The following AGO3 variants were observed in gnomAD, a reference collection of about 807,000 sequenced individuals.
The protein encoded by AGO3 is protein argonaute-3.
AGO3 carries 16 observed loss-of-function variants against 105.5 expected under a neutral mutation model. The ratio of observed to expected loss-of-function variants is 0.15; its 90% CI spans 0.10 to 0.23. The LOEUF (loss-of-function observed/expected upper bound fraction) is 0.23. Among genes scored for constraint, AGO3 ranks in the 10% least tolerant of loss-of-function variants. AGO3 has a pLI of 1.00. For synonymous variants in AGO3, 340 were observed against 367.3 expected (o/e 0.93, Z 0.85); for missense variants, 534 against 1,088.0 (o/e 0.49, Z 7.16).
At chr1:35,996,550 C>A (rs182689238) in intron 5 of AGO3, among the ~76,000 whole-genome samples, 1 of 152,068 alleles carries the variant, frequency 6.6e-6, no homozygotes, top group Non-Finnish European at 1.5e-5. Flanking sequence ...GCGGGCAGAT[C>A]ACCTGATGTC....
At chr1:36,036,323 C>T in intron 14 of AGO3, 56 bp downstream of exon 14, 1 of 1,486,736 alleles carries the variant, frequency 6.7e-7, no homozygotes, top group South Asian at 1.2e-5. Flanking sequence ...ATCAATTTTG[C>T]AGTTTCAACT....
At chr1:35,996,882 G>A (rs1232774385) in intron 5 of AGO3, among the ~76,000 whole-genome samples, 1 of 152,106 alleles carries the variant, frequency 6.6e-6, no homozygotes, top group Admixed American at 6.5e-5. Context: ...CCACCCATAC[G>A]TACTAGATTG....
rs1643139507 is a variant in AGO3, at chr1:36,069,928, G to A, written c.*14183G>A. ...AAAAATTAGCTGGGCACGATGGAGG[G>A]TGCCTGTAATCCCAGCTACTCGGGA... On this transcript the variant is annotated 3_prime_UTR_variant, in exon 19 of 19. Transcript: ENST00000373191. The A allele has an allele frequency of 6.6e-6, 1 of 152,094 alleles. No individual in the cohort carries two copies. The highest frequency in any genetic ancestry group is 2.4e-5 in the African/African-American group (1 of 41,406). The allele number at this position is 152,094 out of a possible 1,614,324, so 9.4% of individuals were successfully genotyped here. A position where few individuals can be genotyped will look rare whatever the true frequency, so the allele number is the denominator to read the frequency against.
chr1:36,055,777 C>G lies in AGO3; in HGVS notation c.*32C>G. 1.2e-6 allele frequency: 2 copies of G among 1,601,942 alleles called. No homozygotes were observed. The highest frequency in any genetic ancestry group is 1.7e-6 in the Non-Finnish European group (2 of 1,169,380). ...CAAGTATATTCTCTGAGAGGAAGTACTGAAAGATGAATTGACATACAACGT... is the reference window on the plus strand; with the variant it reads ...CAAGTATATTCTCTGAGAGGAAGTAGTGAAAGATGAATTGACATACAACGT... On this transcript the variant is annotated 3_prime_UTR_variant, in exon 19 of 19. Transcript: ENST00000373191. This position sits in a 1 kb window ranked among gnomAD's most constrained non-coding sequence, Gnocchi z 4.4.
At chr1:36,053,573 C>G (rs115636416) in intron 17 of AGO3, among the ~76,000 whole-genome samples, 2,314 of 151,750 alleles carry the variant, frequency 0.015, 47 homozygotes, top group African/African-American at 0.053. Flanking sequence ...CCACACCCAG[C>G]CTATTTTTGT....
At chr1:36,009,317 G>C in intron 8 of AGO3, 158 bp from the exon 9 acceptor site, 1 of 896,886 alleles carries the variant, frequency 1.1e-6, no homozygotes. Context: ...CTTAATTACT[G>C]TAGAGCTGTC....
chr1:35,945,536 G>A (rs1281705073), intron 1 of AGO3, among the ~76,000 whole-genome samples, 156 bp from the exon 2 acceptor site: 1 of 152,118 alleles, frequency 6.6e-6, no homozygotes, highest in East Asian at 1.9e-4. Flanking sequence ...GGAAATCTGG[G>A]GTGACAGAAG....
intron 17 of AGO3, among the ~76,000 whole-genome samples, chr1:36,047,482 A>C (rs1343024348): frequency 1.3e-5 from 2 of 152,138 alleles, no homozygotes; most frequent in Non-Finnish European, 2.9e-5. Context: ...AAAAGAGTGA[A>C]GAGCGCCTCT....
chr1:36,048,852 G>A (rs530605767), intron 17 of AGO3, among the ~76,000 whole-genome samples: 1 of 152,178 alleles, frequency 6.6e-6, no homozygotes, highest in East Asian at 1.9e-4. Flanking sequence ...ACCACACAAG[G>A]CATGCATCAC....
At position 36,070,051 on chromosome 1, in the gene AGO3, T is replaced by C. The variant is rs1414313076; in HGVS notation, c.*14306T>C. ...CAGCCTGGGCAACAAAGCGAAGCTC[T>C]GTCTCAATAAAAAAAAAAATAATAA... is the stretch of plus-strand genomic sequence containing the variant. On this transcript the variant is annotated 3_prime_UTR_variant, in exon 19 of 19. Coordinates refer to ENST00000373191, the MANE Select transcript of AGO3 (RefSeq NM_024852.4). 1 of 152,064 alleles carries C rather than the reference T, an allele frequency of 6.6e-6. No homozygotes were observed. Among genetic ancestry groups the C allele is most frequent in the African/African-American group, 2.4e-5 (1 of 41,408 alleles). The allele number at this position is 152,064 out of a possible 1,614,324, so 9.4% of individuals were successfully genotyped here.
chr1:36,032,527 A>G (rs1182952838), intron 12 of AGO3, among the ~76,000 whole-genome samples: 1 of 152,016 alleles, frequency 6.6e-6, no homozygotes, highest in Non-Finnish European at 1.5e-5. Flanking sequence ...AACTAAAAGC[A>G]CATACCATCA....
rs531829087 is a variant in AGO3, at chr1:36,045,313, C to A, written c.2274+1765C>A. Among the ~76,000 whole-genome samples, 122 of 152,108 alleles carry A rather than the reference C, an allele frequency of 8.0e-4. 2 individuals carry two copies. Among genetic ancestry groups the A allele is most frequent in the Non-Finnish European group, 1.4e-3 (92 of 68,006 alleles). On this transcript the variant is annotated intron_variant, in intron 17 of 18. Transcript: ENST00000373191. ...CTTGGCTCACTGCAACCTCTGTCTC[C>A]CAGGTTCAAGCAATTCTCCTGCCTC...
At chr1:35,956,162 AATG>A (rs1431446010) in intron 2 of AGO3, among the ~76,000 whole-genome samples, 3 of 152,160 alleles carry the variant, frequency 2.0e-5, no homozygotes, top group Non-Finnish European at 2.9e-5. Flanking sequence ...CAGTGGCAAT[AATG>A]ATGATGGAGG....
chr1:35,965,163 T>C (rs1431110077), intron 2 of AGO3, among the ~76,000 whole-genome samples: 3 of 151,676 alleles, frequency 2.0e-5, no homozygotes, highest in African/African-American at 7.3e-5. Context: ...GGTTAAAACA[T>C]CCCAACAAAT....
rs561260131 is a variant in AGO3 at position 36,055,386 on chromosome 1, C to G, written c.2474+241C>G. The G allele has an allele frequency of 3.8e-5, 23 of 611,830 alleles. No homozygotes were observed. The African/African-American group carries it at 3.9e-4, about 10-fold the overall frequency. The allele number at this position is 611,830 out of a possible 1,614,324, so 37.9% of individuals were successfully genotyped here. A position where few individuals can be genotyped will look rare whatever the true frequency, so the allele number is the denominator to read the frequency against. On this transcript the variant is annotated intron_variant, in intron 18 of 18. Transcript: ENST00000373191. The surrounding 1 kb of genome is among the most constrained non-coding windows in gnomAD (Gnocchi z 4.4). ...AGAGATTATTGGTAATAAAGTGATA[C>G]ATTCAGACAGATAGACAAAATGATA...
Position 36,054,973 on chromosome 1 carries a change from G to C in AGO3, c.2302G>C (p.Val768Leu). ...TACCAGTCGTCCTTCACACTATCAT[G>C]TTTTATGGGATGATAACTGCTTTAC... ...QGTSRPSHYHVLWDDNCFTAD... is the reference protein window; with the variant it reads ...QGTSRPSHYHLLWDDNCFTAD... The change falls in exon 18 of 19, where the codon GTT becomes CTT. Residue 768 changes from valine (V) to leucine (L), a missense_variant. Physicochemically the swap from Val to Leu is conservative, Grantham distance 32. This residue lies in a region of AGO3 where 373 missense variants were observed against 854.0 expected (regional missense o/e 0.44). Transcript: ENST00000373191. 6.2e-7 allele frequency: 1 copy of C among 1,614,188 alleles called. No homozygotes were observed. Among genetic ancestry groups the C allele is most frequent in the Non-Finnish European group, 8.5e-7 (1 of 1,180,028 alleles).
rs762199381 is a variant in AGO3, at chr1:35,966,991, A to G, written c.228A>G (p.Val76=). ...ACTCAATGGTTCAGCATTTTAAAGT[A>G]ACTATATTTGGAGACCGTAGACCAG... ...VVDSMVQHFK[V]TIFGDRRPVY... Residue 76 remains valine (V), a synonymous_variant, in exon 3 of 19, where the codon GTA becomes GTG. Coordinates refer to ENST00000373191, the MANE Select transcript of AGO3 (RefSeq NM_024852.4). The G allele has an allele frequency of 6.2e-7, 1 of 1,613,430 alleles. No homozygotes were observed. The highest frequency in any genetic ancestry group is 2.2e-5 in the East Asian group (1 of 44,820).
intron 9 of AGO3, among the ~76,000 whole-genome samples, chr1:36,012,466 A>T (rs909612483): frequency 6.6e-6 from 1 of 152,104 alleles, no homozygotes; most frequent in African/African-American, 2.4e-5. Flanking sequence ...CTTTGATTAT[A>T]TGTATGGGAA....
rs1424041473 is a variant in AGO3 at position 36,040,412 on chromosome 1, C to T, written c.2143C>T (p.Arg715Ter). Residue 715 changes from arginine (R) to a stop codon, truncating the protein, a stop_gained, in exon 16 of 19, where the codon CGA becomes TGA. Transcript: ENST00000373191. LOFTEE classifies it high-confidence loss of function. ...YIVVQKRHHT[R>*]LFCADRTERV... ...TGTAGTTCAGAAGAGACATCACACT[C>T]GATTATTTTGTGCTGATAGGACAGA... 6.2e-7 allele frequency: 1 copy of T among 1,614,002 alleles called. No homozygotes were observed. The highest frequency in any genetic ancestry group is 1.3e-5 in the African/African-American group (1 of 75,048).
Sources: gnomAD v4.1 joint callset for allele counts (sites outside exome capture counted in the v4.1 genomes callset) on GRCh38, gnomAD v4.1.1 for gene constraint, gnomAD v4.1.1 regional missense constraint, Gnocchi (gnomAD v3.1) non-coding constraint, MANE v1.5 for transcripts, NCBI Gene and HGNC (gene_info 2026-07-23, HGNC 2026-07-21) for gene names.